The following ZDHHC14 variants were observed in gnomAD, a reference collection of about 807,000 sequenced individuals.
ZDHHC14 encodes the protein palmitoyltransferase ZDHHC14.
In ZDHHC14, 16 loss-of-function variants were observed where a neutral mutation model predicts 47.7. The observed-to-expected ratio is 0.34, with a 90% CI of 0.23 to 0.51. ZDHHC14 has a LOEUF of 0.51. ZDHHC14 is among the 20% of genes least tolerant of loss of function. The probability of loss-of-function intolerance (pLI) is 0.97; values close to 1 mark genes in which losing one functional copy is unlikely to be tolerated. For synonymous variants in ZDHHC14, 293 were observed against 278.9 expected, an observed-to-expected ratio of 1.05 and a Z score of -0.50; for missense variants, 515 against 662.5, an observed-to-expected ratio of 0.78 and a Z score of 2.44.
At chr6:157,607,949 T>C (rs1784604396) in intron 3 of ZDHHC14, among the ~76,000 whole-genome samples, 2 of 152,250 alleles carry the variant, frequency 1.3e-5, no homozygotes, top group African/African-American at 2.4e-5. Flanking sequence ...CAATGTCTTC[T>C]TGGCTCTCAC....
At chr6:157,572,668 C>T (rs183322588) in intron 2 of ZDHHC14, among the ~76,000 whole-genome samples, 3 of 136,236 alleles carry the variant, frequency 2.2e-5, no homozygotes, top group South Asian at 2.6e-4. Context: ...CAACAGTCCC[C>T]GGTGTGTGAT....
chr6:157,472,182 C>G (rs146852403), intron 1 of ZDHHC14, among the ~76,000 whole-genome samples: 1 of 152,218 alleles, frequency 6.6e-6, no homozygotes, highest in Non-Finnish European at 1.5e-5. Flanking sequence ...GCCTCTCAGT[C>G]GTGGTGGCTA....
At chr6:157,559,616 T>G (rs1782628479) in intron 2 of ZDHHC14, among the ~76,000 whole-genome samples, 1 of 152,242 alleles carries the variant, frequency 6.6e-6, no homozygotes, top group Non-Finnish European at 1.5e-5. Flanking sequence ...CTGGCACTTC[T>G]TCTCATTCTC....
intron 3 of ZDHHC14, among the ~76,000 whole-genome samples, chr6:157,608,014 C>A (rs1483308605): frequency 6.6e-6 from 1 of 152,236 alleles, no homozygotes; most frequent in Admixed American, 6.5e-5. Context: ...TAACCAGTGT[C>A]TACCTGGTTT....
intron 2 of ZDHHC14, among the ~76,000 whole-genome samples, chr6:157,568,818 C>T (rs190837876): frequency 6.6e-6 from 1 of 152,166 alleles, no homozygotes; most frequent in African/African-American, 2.4e-5. Context: ...TAACTTTTGA[C>T]CTCGCTTGTT....
chr6:157,434,126 A>G (rs960844905), intron 1 of ZDHHC14, among the ~76,000 whole-genome samples: 9 of 152,262 alleles, frequency 5.9e-5, no homozygotes, highest in Admixed American at 1.3e-4. Context: ...CGCCAACAAC[A>G]AAAAGAAAAT....
At chr6:157,552,475 T>C (rs1338676590) in intron 2 of ZDHHC14, among the ~76,000 whole-genome samples, 1 of 151,564 alleles carries the variant, frequency 6.6e-6, no homozygotes, top group Non-Finnish European at 1.5e-5. Context: ...ATCAGGGGAG[T>C]GGGCAGCTCT....
At chr6:157,529,870 G>C (rs965550880) in intron 1 of ZDHHC14, among the ~76,000 whole-genome samples, 1 of 152,100 alleles carries the variant, frequency 6.6e-6, no homozygotes. Context: ...ATTGACTTCT[G>C]GTTATGAAAC....
At chr6:157,461,777 G>A (rs920576080) in intron 1 of ZDHHC14, among the ~76,000 whole-genome samples, 50 of 152,282 alleles carry the variant, frequency 3.3e-4, no homozygotes, top group African/African-American at 1.2e-3. Context: ...TGTGGGGGAC[G>A]CCAGTTCCTG....
chr6:157,634,485 C>T (rs943376350), intron 5 of ZDHHC14, among the ~76,000 whole-genome samples: 1 of 152,216 alleles, frequency 6.6e-6, no homozygotes, highest in Admixed American at 6.5e-5. Context: ...CCTCTCTGTG[C>T]CCTTCTGTTT....
chr6:157,615,070 A>G lies in ZDHHC14; in HGVS notation c.566-13279A>G, dbSNP rs142377021. 8.0e-3 allele frequency among the ~76,000 whole-genome samples: 1,215 copies of G among 152,090 alleles called. 20 individuals are homozygous for G. The highest frequency in any genetic ancestry group is 0.028 in the African/African-American group (1,142 of 41,464). On this transcript the variant is annotated intron_variant, in intron 3 of 8. Coordinates refer to ENST00000359775, the MANE Select transcript of ZDHHC14 (RefSeq NM_024630.3). The stretch of plus-strand genomic sequence containing the variant: ...AGGCATGAGCCACTGTGCCCGGCCA[A>G]TTCTTAATGATTTTTAAGCAGCTGC...
chr6:157,528,543 A>G (rs1055097093), intron 1 of ZDHHC14, among the ~76,000 whole-genome samples: 6 of 152,094 alleles, frequency 3.9e-5, no homozygotes, highest in Non-Finnish European at 5.9e-5. Context: ...CATCCTGGCT[A>G]ACATGGTGAA....
chr6:157,651,031 A>G (rs1187759652), intron 7 of ZDHHC14, among the ~76,000 whole-genome samples: 2 of 152,196 alleles, frequency 1.3e-5, no homozygotes, highest in African/African-American at 2.4e-5. Flanking sequence ...GCCCGCGGCC[A>G]TGAGCCGTGC....
At chr6:157,626,668 A>T (rs1785434649) in intron 3 of ZDHHC14, among the ~76,000 whole-genome samples, 1 of 152,170 alleles carries the variant, frequency 6.6e-6, no homozygotes, top group African/African-American at 2.4e-5. Context: ...GTGCATTGAT[A>T]CATCACTATC....
intron 1 of ZDHHC14, among the ~76,000 whole-genome samples, chr6:157,401,870 G>A (rs1419071530): frequency 6.6e-6 from 1 of 150,772 alleles, no homozygotes; most frequent in Non-Finnish European, 1.5e-5. Flanking sequence ...ATGTGCACCT[G>A]CTGAGGTCTC....
chr6:157,466,872 T>C (rs1351800464), intron 1 of ZDHHC14, among the ~76,000 whole-genome samples: 1 of 152,006 alleles, frequency 6.6e-6, no homozygotes, highest in African/African-American at 2.4e-5. Flanking sequence ...TATTTTTTTC[T>C]TGAAAAAAAT....
chr6:157,555,144 C>A (rs1459499144), intron 2 of ZDHHC14, among the ~76,000 whole-genome samples: 1 of 152,230 alleles, frequency 6.6e-6, no homozygotes, highest in Non-Finnish European at 1.5e-5. Flanking sequence ...TTTGGATGCA[C>A]CTTCCTCAAT....
intron 8 of ZDHHC14, among the ~76,000 whole-genome samples, chr6:157,656,254 A>G (rs1778083357): frequency 6.6e-6 from 1 of 152,210 alleles, no homozygotes; most frequent in Non-Finnish European, 1.5e-5. Context: ...GGAAGAGGAC[A>G]CTGCAAAGGT....
rs1780210925 is a variant in ZDHHC14, at chr6:157,502,276, CAAG to C, written c.246-40304_246-40302del. On this transcript the variant is annotated intron_variant, in intron 1 of 8. Transcript: ENST00000359775. The surrounding 1 kb of genome is among the most constrained non-coding windows in gnomAD (Gnocchi z 4.0). ...ACCAAGAAAGTCATTATAGAAACGGCAAGAAGACCATTGCATGTAAGCAAGGAC... is the reference window on the plus strand; with the variant it reads ...ACCAAGAAAGTCATTATAGAAACGGCAAGACCATTGCATGTAAGCAAGGAC... Among the ~76,000 whole-genome samples, 1 of 152,148 alleles carries C rather than the reference CAAG, an allele frequency of 6.6e-6. No individual in the cohort carries two copies. Among genetic ancestry groups the C allele is most frequent in the Non-Finnish European group, 1.5e-5 (1 of 68,026 alleles).
Sources: gnomAD v4.1 joint callset for allele counts (sites outside exome capture counted in the v4.1 genomes callset) on GRCh38, gnomAD v4.1.1 for gene constraint, Gnocchi (gnomAD v3.1) non-coding constraint, MANE v1.5 for transcripts, NCBI Gene and HGNC (gene_info 2026-07-23, HGNC 2026-07-21) for gene names.